The following GPHN variants were observed in gnomAD, a reference collection of about 807,000 sequenced individuals.
The protein encoded by GPHN is gephyrin.
Under a neutral mutation model 95.5 loss-of-function variants are expected in GPHN, and 17 were observed. The ratio of observed to expected loss-of-function variants is 0.18; its 90% CI spans 0.12 to 0.27. The LOEUF is 0.27. Ranked by LOEUF, GPHN falls within the 10% of genes least tolerant of loss-of-function variation. GPHN has a pLI of 1.00. For missense variants in GPHN, 660 were observed against 978.1 expected (o/e 0.67, Z 4.34); for synonymous variants, 320 against 322.5 (o/e 0.99, Z 0.08).
the GPHN span, among the ~76,000 whole-genome samples, chr14:67,530,125 A>T: frequency 6.6e-6 from 1 of 152,196 alleles, no homozygotes; most frequent in Non-Finnish European, 1.5e-5. Context: ...ATCCATTGCA[A>T]TCTTGTAAAC....
the GPHN span, chr14:67,208,065 C>T: frequency 7.6e-7 from 1 of 1,307,760 alleles, no homozygotes; most frequent in Non-Finnish European, 1.0e-6. Flanking sequence ...TTCTAAGCCT[C>T]ACTCCCTCCT....
chr14:67,531,826 T>C, the GPHN span, among the ~76,000 whole-genome samples: 1 of 147,050 alleles, frequency 6.8e-6, no homozygotes, highest in Non-Finnish European at 1.5e-5. Flanking sequence ...GAGGATTGCT[T>C]GAGCCCAGGA....
the GPHN span, chr14:67,392,920 T>C: frequency 1.5e-6 from 2 of 1,301,056 alleles, no homozygotes; most frequent in South Asian, 2.8e-5. Flanking sequence ...GCCAATGACC[T>C]CACTGACCTT....
At chr14:66,628,554 G>T (rs1428445965) in intron 1 of GPHN, among the ~76,000 whole-genome samples, 1 of 152,094 alleles carries the variant, frequency 6.6e-6, no homozygotes, top group Non-Finnish European at 1.5e-5. Flanking sequence ...CTTCGGGTAG[G>T]TGAGTGAGTG....
the GPHN span, among the ~76,000 whole-genome samples, chr14:67,584,900 CAG>C: frequency 1.3e-5 from 2 of 152,122 alleles, no homozygotes; most frequent in African/African-American, 2.4e-5. Flanking sequence ...AGGCATATAA[CAG>C]GGACCCACTT....
chr14:66,818,689 C>T (rs527264030), intron 3 of GPHN, among the ~76,000 whole-genome samples: 1 of 152,294 alleles, frequency 6.6e-6, no homozygotes, highest in South Asian at 2.1e-4. Flanking sequence ...CTGTCTTCCA[C>T]AATGGTTGAA....
At chr14:67,569,219 G>T in the GPHN span, 1 of 1,606,452 alleles carries the variant, frequency 6.2e-7, no homozygotes, top group Non-Finnish European at 8.5e-7. Flanking sequence ...ATGCTGCGGT[G>T]AGTTCCAAGT....
the GPHN span, chr14:67,320,222 T>C: frequency 4.3e-4 from 687 of 1,601,008 alleles, no homozygotes; most frequent in Non-Finnish European, 5.1e-4. Context: ...AACTTTTTTT[T>C]CCCAAAGATT....
the GPHN span, among the ~76,000 whole-genome samples, chr14:67,679,472 C>T: frequency 6.7e-6 from 1 of 149,874 alleles, no homozygotes; most frequent in East Asian, 2.0e-4. Context: ...GATGCGATCT[C>T]AGCTCACTGC....
chr14:66,837,340 A>G (rs2061874971), intron 4 of GPHN, among the ~76,000 whole-genome samples: 2 of 150,402 alleles, frequency 1.3e-5, no homozygotes, highest in African/African-American at 4.9e-5. Context: ...AAACTATCGC[A>G]AGAACAAAAA....
At chr14:67,264,245 T>C in the GPHN span, among the ~76,000 whole-genome samples, 1 of 152,236 alleles carries the variant, frequency 6.6e-6, no homozygotes, top group Non-Finnish European at 1.5e-5. Flanking sequence ...ATGACAGTGG[T>C]ATTTAAATTT....
chr14:67,413,003 T>C, the GPHN span, among the ~76,000 whole-genome samples: 1 of 152,112 alleles, frequency 6.6e-6, no homozygotes, highest in Non-Finnish European at 1.5e-5. Context: ...CCTCAAGCAA[T>C]CCTCCGGCCT....
chr14:66,606,584 A>G (rs533833095), intron 1 of GPHN, among the ~76,000 whole-genome samples: 2 of 152,302 alleles, frequency 1.3e-5, no homozygotes, highest in African/African-American at 4.8e-5. Context: ...CATTTTAACA[A>G]TATTGATTCT....
the GPHN span, among the ~76,000 whole-genome samples, chr14:67,503,074 G>A: frequency 2.0e-5 from 3 of 152,118 alleles, no homozygotes; most frequent in Non-Finnish European, 2.9e-5. Flanking sequence ...ATAACCGCAC[G>A]CTAACAAGCA....
chr14:66,618,220 T>C (rs929690888), intron 1 of GPHN, among the ~76,000 whole-genome samples: 3 of 152,154 alleles, frequency 2.0e-5, no homozygotes, highest in African/African-American at 7.2e-5. Context: ...TGTAATGTCA[T>C]AAGCATTTTA....
intron 1 of GPHN, among the ~76,000 whole-genome samples, chr14:66,679,683 C>T (rs575821457): frequency 2.0e-5 from 3 of 152,272 alleles, no homozygotes; most frequent in Non-Finnish European, 4.4e-5. Context: ...TATTCAAATT[C>T]ACTAATCTGT....
At chr14:66,997,712 A>G (rs2071916007) in intron 9 of GPHN, among the ~76,000 whole-genome samples, 1 of 152,224 alleles carries the variant, frequency 6.6e-6, no homozygotes, top group Non-Finnish European at 1.5e-5. Context: ...ATAGAATTGC[A>G]GCTATCTTCT....
chr14:66,880,896 T>C (rs543119138), intron 5 of GPHN, among the ~76,000 whole-genome samples: 1 of 152,110 alleles, frequency 6.6e-6, no homozygotes, highest in East Asian at 1.9e-4. Flanking sequence ...AAGTGTCAAC[T>C]TAGTCAGAAA....
intron 2 of GPHN, among the ~76,000 whole-genome samples, chr14:66,683,399 T>TATATATATGTAC (rs1595534463): frequency 1.0e-4 from 1 of 9,788 alleles, no homozygotes; most frequent in Non-Finnish European, 2.1e-4. Flanking sequence ...TATATGTTCA[T>TATATATATGTAC]ATATATATAT....
Sources: gnomAD v4.1 joint callset for allele counts (sites outside exome capture counted in the v4.1 genomes callset) on GRCh38, gnomAD v4.1.1 for gene constraint, MANE v1.5 for transcripts, NCBI Gene and HGNC (gene_info 2026-07-23, HGNC 2026-07-21) for gene names.